The following UNC5B variants were observed in gnomAD, a reference collection of about 807,000 sequenced individuals.
UNC5B encodes the protein unc-5 netrin receptor B.
A neutral mutation model predicts 103.7 loss-of-function variants in UNC5B; 56 were observed. The ratio of observed to expected loss-of-function variants is 0.54; its 90% CI spans 0.44 to 0.67. The LOEUF is 0.67. Ranked by LOEUF, UNC5B falls within the 30% of genes least tolerant of loss-of-function variation. The probability of loss-of-function intolerance (pLI) is 0.00; values close to 1 mark genes in which losing one functional copy is unlikely to be tolerated. For synonymous variants in UNC5B, 577 were observed against 542.0 expected (o/e 1.06, Z -0.90); for missense variants, 1,194 against 1,284.5 (o/e 0.93, Z 1.08).
intron 1 of UNC5B, among the ~76,000 whole-genome samples, chr10:71,278,851 A>G (rs1589188631): frequency 1.3e-5 from 2 of 152,266 alleles, no homozygotes; most frequent in Non-Finnish European, 2.9e-5. Flanking sequence ...GCTTGTGCCC[A>G]GCCACCTGAT....
At chr10:71,215,806 GGTGTGTGTGTGTGTGTGTGT>G (rs55848098) in intron 1 of UNC5B, among the ~76,000 whole-genome samples, 1 of 149,540 alleles carries the variant, frequency 6.7e-6, no homozygotes, top group South Asian at 2.1e-4. Flanking sequence ...GTCTCTGCTT[GGTGTGTGTGTGTGTGTGTGT>G]GTGTGTGTGT....
At chr10:71,219,104 C>T (rs144994240) in intron 1 of UNC5B, among the ~76,000 whole-genome samples, 10 of 152,192 alleles carry the variant, frequency 6.6e-5, no homozygotes, top group East Asian at 1.9e-4. Flanking sequence ...CACAGTCCCT[C>T]GCCCCACCCT....
intron 1 of UNC5B, among the ~76,000 whole-genome samples, chr10:71,279,481 G>C (rs879405537): frequency 1.2e-4 from 18 of 152,166 alleles, no homozygotes; most frequent in Admixed American, 9.2e-4. Context: ...CAGACGTTGT[G>C]GGGGGGCCCA....
chr10:71,259,899 A>T (rs191839436), intron 1 of UNC5B, among the ~76,000 whole-genome samples: 3 of 152,314 alleles, frequency 2.0e-5, no homozygotes, highest in African/African-American at 7.2e-5. Flanking sequence ...AGGGGACTGG[A>T]TAGGGGCAGC....
intron 1 of UNC5B, among the ~76,000 whole-genome samples, chr10:71,231,277 G>A (rs748468770): frequency 5.0e-4 from 76 of 152,288 alleles, no homozygotes; most frequent in Non-Finnish European, 7.1e-4. Flanking sequence ...GGGGGTTGGC[G>A]AGAGTATGGG....
At chr10:71,265,765 C>A (rs942542342) in intron 1 of UNC5B, among the ~76,000 whole-genome samples, 23 of 152,292 alleles carry the variant, frequency 1.5e-4, no homozygotes, top group African/African-American at 5.5e-4. Context: ...CCCTGTGCTT[C>A]CACTGCTTGG....
chr10:71,228,665 C>G (rs1468253264), intron 1 of UNC5B, among the ~76,000 whole-genome samples: 1 of 152,230 alleles, frequency 6.6e-6, no homozygotes, highest in African/African-American at 2.4e-5. Context: ...GATACCATTT[C>G]TCATTTACCA....
intron 1 of UNC5B, among the ~76,000 whole-genome samples, chr10:71,246,231 G>C (rs984299084): frequency 6.6e-6 from 1 of 152,206 alleles, no homozygotes; most frequent in Middle Eastern, 3.2e-3. Flanking sequence ...GGCGTGGCTT[G>C]GGGGGCTGCA....
intron 1 of UNC5B, among the ~76,000 whole-genome samples, chr10:71,218,876 A>C (rs962059083): frequency 4.6e-5 from 7 of 152,214 alleles, no homozygotes; most frequent in Admixed American, 6.5e-5. Context: ...GGAGAACCCC[A>C]TCTCAGGCTG....
At chr10:71,257,643 T>C (rs1844321808) in intron 1 of UNC5B, among the ~76,000 whole-genome samples, 1 of 152,198 alleles carries the variant, frequency 6.6e-6, no homozygotes. Flanking sequence ...CGTGGAGAGA[T>C]GTACATGCCA....
intron 1 of UNC5B, among the ~76,000 whole-genome samples, chr10:71,273,853 C>A (rs1401549991): frequency 1.3e-5 from 2 of 152,228 alleles, no homozygotes; most frequent in African/African-American, 2.4e-5. Context: ...GGAAGGTGCC[C>A]TCTAGACCCT....
chr10:71,243,946 G>A (rs1843965126), intron 1 of UNC5B, among the ~76,000 whole-genome samples: 2 of 152,246 alleles, frequency 1.3e-5, no homozygotes, highest in South Asian at 2.1e-4. Context: ...CCGAGGCCCA[G>A]AGAGATGAAG....
chr10:71,298,974 A>G (rs1845517454), intron 16 of UNC5B, 138 bp from the exon 17 acceptor site: 4 of 1,080,730 alleles, frequency 3.7e-6, no homozygotes, highest in Non-Finnish European at 5.4e-6. Context: ...ACTGCAGCAC[A>G]GTAGCTGCAA....
chr10:71,284,504 G>T (rs1037153352), intron 2 of UNC5B, among the ~76,000 whole-genome samples: 2 of 152,218 alleles, frequency 1.3e-5, no homozygotes, highest in African/African-American at 4.8e-5. Context: ...GGTAGAAGAT[G>T]CATTGGTGGG....
intron 1 of UNC5B, among the ~76,000 whole-genome samples, chr10:71,236,073 G>A (rs1328268521): frequency 2.6e-5 from 4 of 152,240 alleles, no homozygotes; most frequent in Non-Finnish European, 4.4e-5. Flanking sequence ...CCTTCTGGTC[G>A]GGGCAGGAGG....
At chr10:71,233,981 A>G (rs1191006023) in intron 1 of UNC5B, among the ~76,000 whole-genome samples, 2 of 152,194 alleles carry the variant, frequency 1.3e-5, no homozygotes, top group African/African-American at 4.8e-5. Context: ...ACTTGATTTG[A>G]TGCTTCTCTG....
At chr10:71,229,017 A>G (rs1337773191) in intron 1 of UNC5B, among the ~76,000 whole-genome samples, 2 of 152,074 alleles carry the variant, frequency 1.3e-5, no homozygotes, top group African/African-American at 4.8e-5. Context: ...ACCTCCCTCA[A>G]TGCCCAGGGA....
At chr10:71,221,035 A>G (rs960471948) in intron 1 of UNC5B, among the ~76,000 whole-genome samples, 5 of 152,354 alleles carry the variant, frequency 3.3e-5, no homozygotes, top group Admixed American at 6.5e-5. Context: ...AGGCTCCAGC[A>G]GTCAGAAAGA....
Position 71,286,557 on chromosome 10 carries a change from A to C in UNC5B, c.553-132A>C, listed in dbSNP as rs1488084676. On this transcript the variant is annotated intron_variant, in intron 4 of 16. Transcript: ENST00000335350. ...TTAACCCCAGAGCTGTACAGTGTCC[A>C]GTGCTATAGTCCCACCAAGGCCCTG... 1.1e-5 allele frequency: 13 copies of C among 1,164,942 alleles called. No homozygotes were observed. The Admixed American group carries it at 1.4e-4, about 12-fold the overall frequency. 72.2% of individuals were successfully genotyped at this position (1,164,942 alleles called of 1,614,324 possible).
Sources: gnomAD v4.1 joint callset for allele counts (sites outside exome capture counted in the v4.1 genomes callset) on GRCh38, gnomAD v4.1.1 for gene constraint, MANE v1.5 for transcripts, NCBI Gene and HGNC (gene_info 2026-07-23, HGNC 2026-07-21) for gene names.